Variants in SCYL2 observed in about 807,000 individuals in gnomAD.
The protein encoded by SCYL2 is SCY1-like protein 2.
SCYL2 carries 36 observed loss-of-function variants against 100.4 expected under a neutral mutation model. The observed-to-expected ratio is 0.36, with a 90% CI of 0.27 to 0.47. SCYL2 has a LOEUF of 0.47. SCYL2 is among the 20% of genes least tolerant of loss of function. The pLI is 1.00. For missense variants in SCYL2, 902 were observed against 1,083.9 expected (o/e 0.83, Z 2.36); for synonymous variants, 330 against 359.2 (o/e 0.92, Z 0.92).
chr12:100,294,139 C>T (rs1378122749), intron 3 of SCYL2, among the ~76,000 whole-genome samples: 7 of 146,592 alleles, frequency 4.8e-5, no homozygotes, highest in East Asian at 2.1e-4. Flanking sequence ...CCGGACGGGG[C>T]GGCTGGCCGG....
chr12:100,274,431 A>G (rs989041703), intron 1 of SCYL2, among the ~76,000 whole-genome samples: 2 of 152,186 alleles, frequency 1.3e-5, no homozygotes, highest in African/African-American at 4.8e-5. Flanking sequence ...ATGTGTTCCT[A>G]TATATCTCTG....
intron 12 of SCYL2, among the ~76,000 whole-genome samples, chr12:100,327,563 G>A (rs1157394614): frequency 6.6e-6 from 1 of 150,686 alleles, no homozygotes; most frequent in African/African-American, 2.5e-5. Flanking sequence ...CACCCAGGAT[G>A]GAGTGCAGCG....
chr12:100,267,257 C>T lies in SCYL2; in HGVS notation c.-564C>T. The T allele has an allele frequency of 1.6e-6, 1 of 635,700 alleles. No homozygotes were observed. Among genetic ancestry groups the T allele is most frequent in the East Asian group, 2.9e-5 (1 of 34,844 alleles). 39.4% of individuals were successfully genotyped at this position (635,700 alleles called of 1,614,324 possible). On this transcript the variant is annotated 5_prime_UTR_variant, in exon 1 of 18. Coordinates refer to ENST00000360820, the MANE Select transcript of SCYL2 (RefSeq NM_017988.6). ...TTCCTTCTAGCTCCGACGTTTGCGG[C>T]CGCGGGGGCGGCGGAGGATATGGAG...
rs146424353 is a variant in SCYL2 at position 100,338,582 on chromosome 12, T to C, written c.2200T>C (p.Ser734Pro). 76 of 1,613,594 alleles carry C rather than the reference T, an allele frequency of 4.7e-5. No homozygotes were observed. The highest frequency in any genetic ancestry group is 6.2e-5 in the Non-Finnish European group (73 of 1,179,708). ...MDNMSSLTSL[S>P]VSTPKSSASS... Reference sequence around the variant, plus strand: ...TAATATGTCATCCTTGACCAGCCTTTCTGTTAGTACCCCTAAATCTTCTGC... The same window carrying C: ...TAATATGTCATCCTTGACCAGCCTTCCTGTTAGTACCCCTAAATCTTCTGC... The change falls in exon 18 of 18, where the codon TCT becomes CCT. Residue 734 changes from serine to proline, a missense_variant. Coordinates refer to ENST00000360820, the MANE Select transcript of SCYL2 (RefSeq NM_017988.6).
intron 11 of SCYL2, among the ~76,000 whole-genome samples, chr12:100,326,232 G>A (rs1310480566): frequency 2.0e-5 from 3 of 152,100 alleles, no homozygotes; most frequent in African/African-American, 7.2e-5. Flanking sequence ...GTAAAATACT[G>A]GAATGTGGGT....
Position 100,314,617 on chromosome 12 carries a change from T to G in SCYL2, c.1095+3T>G. 1.3e-6 allele frequency: 2 copies of G among 1,589,108 alleles called. No homozygotes were observed. The highest frequency in any genetic ancestry group is 1.4e-5 in the African/African-American group (1 of 73,234). ...AGGTTCTACCAAAACTGCCCAAGGTTTGTTATTGTTAGTTTCTTATTAATA... is the reference window on the plus strand; with the variant it reads ...AGGTTCTACCAAAACTGCCCAAGGTGTGTTATTGTTAGTTTCTTATTAATA... On this transcript the variant is annotated splice_donor_region_variant and intron_variant, in intron 8 of 17. Transcript: ENST00000360820.
chr12:100,295,515 G>A (rs1304015194), intron 3 of SCYL2, among the ~76,000 whole-genome samples: 1 of 151,678 alleles, frequency 6.6e-6, no homozygotes, highest in Non-Finnish European at 1.5e-5. Flanking sequence ...GGCCAACACA[G>A]CGAAACCCCG....
chr12:100,273,299 C>T (rs2096289424), intron 1 of SCYL2, among the ~76,000 whole-genome samples: 1 of 152,120 alleles, frequency 6.6e-6, no homozygotes, highest in South Asian at 2.1e-4. Flanking sequence ...CAGTTTACTC[C>T]TCTAGCATTA....
chr12:100,303,996 G>A (rs1288403163), intron 4 of SCYL2, among the ~76,000 whole-genome samples: 1 of 152,200 alleles, frequency 6.6e-6, no homozygotes, highest in East Asian at 1.9e-4. Context: ...GGTTATAGTG[G>A]CTTTGCAGCT....
In SCYL2 at chr12:100,339,356, A is replaced by G; in HGVS notation, c.*184A>G. The G allele has an allele frequency of 1.7e-6, 1 of 596,908 alleles. No individual in the cohort carries two copies. The highest frequency in any genetic ancestry group is 3.0e-5 in the East Asian group (1 of 33,384). 37.0% of individuals were successfully genotyped at this position (596,908 alleles called of 1,614,324 possible). A position where few individuals can be genotyped will look rare whatever the true frequency, so the allele number is the denominator to read the frequency against. On this transcript the variant is annotated 3_prime_UTR_variant, in exon 18 of 18. Transcript: ENST00000360820. ...GACTTCTAACCAGTTGAGTTTTTTA[A>G]AGCATTGAGGATTTTTTCCTCTTAC...
chr12:100,300,577 G>A (rs940788628), intron 4 of SCYL2, among the ~76,000 whole-genome samples: 5 of 151,866 alleles, frequency 3.3e-5, no homozygotes, highest in Admixed American at 2.0e-4. Context: ...CAAGTTCTAG[G>A]TCTTATTCAT....
intron 5 of SCYL2, among the ~76,000 whole-genome samples, 153 bp from the exon 6 acceptor site, chr12:100,312,279 T>G (rs1379360924): frequency 6.6e-6 from 1 of 152,210 alleles, no homozygotes; most frequent in African/African-American, 2.4e-5. Context: ...GCATGGACTT[T>G]TTTACATTTG....
intron 4 of SCYL2, among the ~76,000 whole-genome samples, chr12:100,299,006 G>A (rs1592944658): frequency 6.6e-6 from 1 of 152,100 alleles, no homozygotes; most frequent in African/African-American, 2.4e-5. Context: ...GAGAAGGGAG[G>A]ATCACTTGAG....
intron 4 of SCYL2, among the ~76,000 whole-genome samples, chr12:100,300,262 G>T (rs1346751053): frequency 6.6e-6 from 1 of 152,088 alleles, no homozygotes; most frequent in Non-Finnish European, 1.5e-5. Flanking sequence ...AATTTACAAA[G>T]ATTTTCTCCC....
chr12:100,337,781 C>T (rs185528915), intron 17 of SCYL2, among the ~76,000 whole-genome samples: 4 of 152,310 alleles, frequency 2.6e-5, no homozygotes, highest in East Asian at 1.9e-4. Context: ...ACTCATTCAA[C>T]TCTGTTCACT....
At chr12:100,301,533 G>T (rs868426804) in intron 4 of SCYL2, among the ~76,000 whole-genome samples, 5 of 152,100 alleles carry the variant, frequency 3.3e-5, no homozygotes, top group Admixed American at 6.5e-5. Context: ...TTTTGCTTCG[G>T]TTACCTGTAC....
At chr12:100,293,586 G>A (rs2096313190) in intron 3 of SCYL2, among the ~76,000 whole-genome samples, 1 of 151,144 alleles carries the variant, frequency 6.6e-6, no homozygotes, top group Admixed American at 6.6e-5. Flanking sequence ...AGGGGGATTT[G>A]GCAGGGTCAT....
At chr12:100,271,281 A>AAAAG (rs869276181) in intron 1 of SCYL2, among the ~76,000 whole-genome samples, 12,316 of 127,388 alleles carry the variant, frequency 0.097, 870 homozygotes, top group Non-Finnish European at 0.14. Context: ...AAAAAAAAAA[A>AAAAG]AGAGAGAGAG....
chr12:100,337,556 G>A (rs368343953), intron 17 of SCYL2, 50 bp downstream of exon 17: 21 of 1,544,008 alleles, frequency 1.4e-5, no homozygotes, highest in African/African-American at 9.5e-5. Flanking sequence ...CTGTTAAGGA[G>A]TAAGGTGGTA....
Sources: gnomAD v4.1 joint callset for allele counts (sites outside exome capture counted in the v4.1 genomes callset) on GRCh38, gnomAD v4.1.1 for gene constraint, MANE v1.5 for transcripts, NCBI Gene and HGNC (gene_info 2026-07-23, HGNC 2026-07-21) for gene names.